PGM2: variants seen among roughly 807,000 people sequenced by gnomAD.
PGM2 encodes phosphopentomutase.
In PGM2, 57 loss-of-function variants were observed where a neutral mutation model predicts 74.6. The ratio of observed to expected loss-of-function variants is 0.76; its 90% CI spans 0.62 to 0.95. The LOEUF is 0.95. Ranked by LOEUF, PGM2 falls within the 40% of genes least tolerant of loss-of-function variation. PGM2 has a pLI of 0.00. For synonymous variants in PGM2, 273 were observed against 260.7 expected (o/e 1.05, Z -0.46); for missense variants, 706 against 741.9 (o/e 0.95, Z 0.56).
At chr4:37,861,166 G>A (rs1412527900) in intron 13 of PGM2, among the ~76,000 whole-genome samples, 4 of 152,106 alleles carry the variant, frequency 2.6e-5, no homozygotes, top group Admixed American at 6.6e-5. Flanking sequence ...TGACATGAAA[G>A]CTTTCTCTAC....
At chr4:37,843,678 C>T (rs1333284056) in intron 6 of PGM2, among the ~76,000 whole-genome samples, 3 of 151,304 alleles carry the variant, frequency 2.0e-5, no homozygotes, top group South Asian at 4.2e-4. Context: ...GGCACAATCT[C>T]GGCTCACTGC....
chr4:37,844,858 C>A (rs1725823155), intron 7 of PGM2, among the ~76,000 whole-genome samples: 2 of 151,476 alleles, frequency 1.3e-5, no homozygotes, highest in Non-Finnish European at 2.9e-5. Context: ...ATCCCAGCCA[C>A]TTGGGAGGCT....
chr4:37,846,864 T>A, intron 8 of PGM2, 67 bp from the exon 9 acceptor site: 1 of 1,270,500 alleles, frequency 7.9e-7, no homozygotes, highest in Non-Finnish European at 1.1e-6. Context: ...TTTATCCCCA[T>A]GACACTTTAG....
intron 6 of PGM2, among the ~76,000 whole-genome samples, chr4:37,841,217 T>C (rs1342272221): frequency 7.4e-6 from 1 of 135,774 alleles, no homozygotes; most frequent in Non-Finnish European, 1.6e-5. Flanking sequence ...TCCCCCCAAT[T>C]AATTTGTCAT....
intron 13 of PGM2, among the ~76,000 whole-genome samples, chr4:37,858,148 A>G (rs190924519): frequency 6.6e-6 from 1 of 152,252 alleles, no homozygotes; most frequent in Admixed American, 6.6e-5. Flanking sequence ...AGTGGACTTA[A>G]ATTCAAATAT....
chr4:37,829,186 A>G (rs78833713), intron 1 of PGM2, among the ~76,000 whole-genome samples: 1 of 126,246 alleles, frequency 7.9e-6, no homozygotes, highest in East Asian at 2.7e-4. Flanking sequence ...ACTACCATAC[A>G]AAAAAAAAAT....
At position 37,850,340 on chromosome 4, in the gene PGM2, T is replaced by C; in HGVS notation, c.1569T>C (p.Thr523=). Residue 523 remains threonine (T), a synonymous_variant, in exon 12 of 14, where the codon ACT becomes ACC. Transcript: ENST00000381967. ...TTTCTGCCATTAGGGACCTTACAAC[T>C]GGCTATGATGATAGCCAACCTGATA... ...FEISAIRDLT[T]GYDDSQPDKK... 1 of 1,565,980 alleles carries C rather than the reference T, an allele frequency of 6.4e-7. No homozygotes were observed. The highest frequency in any genetic ancestry group is 8.6e-7 in the Non-Finnish European group (1 of 1,164,758).
intron 6 of PGM2, among the ~76,000 whole-genome samples, chr4:37,840,475 T>C (rs887761123): frequency 3.3e-5 from 5 of 152,338 alleles, no homozygotes; most frequent in African/African-American, 1.2e-4. Flanking sequence ...CTCTGCCTTC[T>C]GGGTTCAAGC....
chr4:37,859,978 A>T (rs186484014), intron 13 of PGM2, among the ~76,000 whole-genome samples: 1 of 152,302 alleles, frequency 6.6e-6, no homozygotes, highest in Non-Finnish European at 1.5e-5. Context: ...ATTAGGATGG[A>T]GAATAGTAAC....
chr4:37,855,810 C>T, intron 13 of PGM2, 69 bp downstream of exon 13: 1 of 1,296,758 alleles, frequency 7.7e-7, no homozygotes, highest in Non-Finnish European at 1.0e-6. Flanking sequence ...ATTCAAATGC[C>T]AAGTGAAATG....
intron 1 of PGM2, among the ~76,000 whole-genome samples, chr4:37,829,246 G>A (rs1050657605): frequency 6.6e-6 from 1 of 152,084 alleles, no homozygotes; most frequent in Non-Finnish European, 1.5e-5. Context: ...TCTATTTGAA[G>A]CAGTTAATGT....
At chr4:37,827,595 TAG>T (rs1310673202) in intron 1 of PGM2, among the ~76,000 whole-genome samples, 1 of 152,140 alleles carries the variant, frequency 6.6e-6, no homozygotes, top group Non-Finnish European at 1.5e-5. Context: ...GTGGCTTACG[TAG>T]AGAGTCAGTC....
At chr4:37,847,172 A>T (rs374140583) in intron 9 of PGM2, 30 bp from the exon 10 acceptor site, 2 of 1,601,656 alleles carry the variant, frequency 1.2e-6, no homozygotes, top group South Asian at 2.2e-5. Flanking sequence ...GATCTAAGGC[A>T]TGTCTTTCTC....
At chr4:37,828,652 C>T (rs752186728) in intron 1 of PGM2, among the ~76,000 whole-genome samples, 3 of 152,178 alleles carry the variant, frequency 2.0e-5, no homozygotes, top group African/African-American at 7.2e-5. Flanking sequence ...TCCTTTGTTT[C>T]TCTCAGGCTA....
At chr4:37,856,040 G>A (rs1178037992) in intron 13 of PGM2, among the ~76,000 whole-genome samples, 1 of 152,142 alleles carries the variant, frequency 6.6e-6, no homozygotes, top group Non-Finnish European at 1.5e-5. Flanking sequence ...TAACACCAAT[G>A]AGATTTTCTC....
At chr4:37,848,422 C>T (rs1362152602) in intron 10 of PGM2, 100 bp from the exon 11 acceptor site, 15 of 1,033,442 alleles carry the variant, frequency 1.5e-5, no homozygotes, top group Non-Finnish European at 1.9e-5. Flanking sequence ...TGCATACACG[C>T]AACACTGTAC....
At position 37,862,779 on chromosome 4, in the gene PGM2, A is replaced by G. The variant is rs1711824323; in HGVS notation, c.*1167A>G. 6.6e-6 allele frequency: 1 copy of G among 152,120 alleles called. No individual in the cohort carries two copies. Among genetic ancestry groups the G allele is most frequent in the South Asian group, 2.1e-4 (1 of 4,834 alleles). 9.4% of individuals were successfully genotyped at this position (152,120 alleles called of 1,614,324 possible). On this transcript the variant is annotated 3_prime_UTR_variant, in exon 14 of 14. Transcript: ENST00000381967. Reference sequence around the variant, plus strand: ...GTGATAGTATTGTAACTATTTTTCTATTTTAGTCATATGTCGCTTATATCC... The same window carrying G: ...GTGATAGTATTGTAACTATTTTTCTGTTTTAGTCATATGTCGCTTATATCC...
intron 13 of PGM2, among the ~76,000 whole-genome samples, chr4:37,860,192 A>G (rs1010519690): frequency 2.0e-5 from 3 of 152,228 alleles, no homozygotes; most frequent in African/African-American, 7.2e-5. Flanking sequence ...TATACTTTAA[A>G]AAATGATTAG....
chr4:37,857,755 A>G (rs373247114), intron 13 of PGM2, among the ~76,000 whole-genome samples: 10 of 152,346 alleles, frequency 6.6e-5, no homozygotes, highest in African/African-American at 2.2e-4. Flanking sequence ...AAACTCAACT[A>G]TTAAGTGAAC....
Sources: gnomAD v4.1 joint callset for allele counts (sites outside exome capture counted in the v4.1 genomes callset) on GRCh38, gnomAD v4.1.1 for gene constraint, MANE v1.5 for transcripts, NCBI Gene and HGNC (gene_info 2026-07-23, HGNC 2026-07-21) for gene names.